COL6A3: variants seen among roughly 807,000 people sequenced by gnomAD.
COL6A3 encodes collagen alpha-3(VI) chain.
In COL6A3, 137 loss-of-function variants were observed where a neutral mutation model predicts 274.1. That is an observed-to-expected ratio of 0.50 (90% CI 0.44 to 0.58). The LOEUF (loss-of-function observed/expected upper bound fraction) is 0.58. Among genes scored for constraint, COL6A3 ranks in the 20% least tolerant of loss-of-function variants. The pLI is 0.00. For missense variants in COL6A3, 3,950 were observed against 4,124.9 expected, an observed-to-expected ratio of 0.96 and a Z score of 1.16; for synonymous variants, 1,650 against 1,650.6, an observed-to-expected ratio of 1.00 and a Z score of 0.01.
At chr2:237,401,529 C>T (rs188876801) in intron 1 of COL6A3, among the ~76,000 whole-genome samples, 1 of 152,122 alleles carries the variant, frequency 6.6e-6, no homozygotes, top group East Asian at 1.9e-4. Flanking sequence ...AACAAAGAGT[C>T]TTCCAGGACT....
At chr2:237,336,658 T>G in intron 39 of COL6A3, 126 bp from the exon 40 acceptor site, 1 of 897,982 alleles carries the variant, frequency 1.1e-6, no homozygotes, top group Non-Finnish European at 1.7e-6. Flanking sequence ...ATAGATTATG[T>G]ATAGCAGTGC....
rs778869318 is a variant in COL6A3 at position 237,366,864 on chromosome 2, C to G, written c.5323G>C (p.Ala1775Pro). 6.2e-7 allele frequency: 1 copy of G among 1,614,270 alleles called. No homozygotes were observed. Among genetic ancestry groups the G allele is most frequent in the Non-Finnish European group, 8.5e-7 (1 of 1,180,056 alleles). Residue 1775 changes from alanine (A) to proline (P), a missense_variant, in exon 11 of 44, where the codon GCT becomes CCT. Ala to Pro is a conservative substitution (Grantham distance 27). Transcript: ENST00000295550. ...GAGTCGATATTCCTCACTCCAACAGCAAACACTTTGACCCCCCTCTGGGTG... is the reference window on the plus strand; with the variant it reads ...GAGTCGATATTCCTCACTCCAACAGGAAACACTTTGACCCCCCTCTGGGTG... ...ALTQRGVKVF[A>P]VGVRNIDSEE...
At chr2:237,392,037 G>A (rs1316497612) in intron 3 of COL6A3, among the ~76,000 whole-genome samples, 1 of 152,122 alleles carries the variant, frequency 6.6e-6, no homozygotes, top group Non-Finnish European at 1.5e-5. Context: ...AATGCCAGGG[G>A]TGAGGCCTGT....
intron 2 of COL6A3, among the ~76,000 whole-genome samples, chr2:237,396,141 C>G (rs966689906): frequency 6.6e-6 from 1 of 152,206 alleles, no homozygotes. Flanking sequence ...CCACCTGAGT[C>G]CTTTCCAGCT....
chr2:237,335,173 G>A (rs753466420), intron 40 of COL6A3, among the ~76,000 whole-genome samples: 2 of 152,046 alleles, frequency 1.3e-5, no homozygotes, highest in Non-Finnish European at 2.9e-5. Context: ...TGGAAATGCA[G>A]CATACTAATC....
At chr2:237,400,570 T>A (rs2106396439) in intron 1 of COL6A3, among the ~76,000 whole-genome samples, 1 of 150,740 alleles carries the variant, frequency 6.6e-6, no homozygotes, top group South Asian at 2.1e-4. Flanking sequence ...ATAAAAAAAA[T>A]TCTGAACAGA....
intron 7 of COL6A3, 62 bp downstream of exon 7, chr2:237,376,710 C>T: frequency 6.4e-7 from 1 of 1,550,940 alleles, no homozygotes; most frequent in Non-Finnish European, 8.9e-7. Flanking sequence ...GGCCAGCAGC[C>T]TACCCTCAAC....
chr2:237,401,814 A>T lies in COL6A3; in HGVS notation c.-30-4967T>A, dbSNP rs1574770414. Reference sequence around the variant, plus strand: ...ATCCTTCCTTCTCAGCCTCCTGAGTAAATGGGACTGCAGGCACACACCACC... The same window carrying T: ...ATCCTTCCTTCTCAGCCTCCTGAGTTAATGGGACTGCAGGCACACACCACC... On this transcript the variant is annotated intron_variant, in intron 1 of 43. Coordinates refer to ENST00000295550, the MANE Select transcript of COL6A3 (RefSeq NM_004369.4). Among the ~76,000 whole-genome samples the T allele has an allele frequency of 2.0e-5, 3 of 152,018 alleles. No homozygotes were observed. The East Asian group carries it at 5.8e-4, about 29-fold the overall frequency.
Position 237,396,742 on chromosome 2 carries a change from G to A in COL6A3, c.76C>T (p.Gln26Ter), listed in dbSNP as rs763187844. The A allele has an allele frequency of 3.1e-6, 5 of 1,613,986 alleles. No homozygotes were observed. Among genetic ancestry groups the A allele is most frequent in the Non-Finnish European group, 4.2e-6 (5 of 1,180,004 alleles). The change falls in exon 2 of 44, where the codon CAG becomes TAG. Residue 26 changes from glutamine (Q) to a stop codon, truncating the protein, a stop_gained. Coordinates refer to ENST00000295550, the MANE Select transcript of COL6A3 (RefSeq NM_004369.4). LOFTEE classifies it high-confidence loss of function. ...TGGCTCTTACCTGCTTGCTGCTGCT[G>A]GGCATGAGTTGTAGGAAAGCCTGAG... ...FLSGFPTTHA[Q>*]QQQADVKNGA...
intron 26 of COL6A3, among the ~76,000 whole-genome samples, chr2:237,352,142 T>C (rs1310394657): frequency 6.6e-6 from 1 of 152,198 alleles, no homozygotes; most frequent in African/African-American, 2.4e-5. Flanking sequence ...GCACTCACTA[T>C]ACAAAATACA....
At chr2:237,325,933 T>A (rs1435787863) in intron 42 of COL6A3, 11 of 500,306 alleles carry the variant, frequency 2.2e-5, no homozygotes, top group Non-Finnish European at 3.9e-5. Context: ...GAGAGATAGA[T>A]GAAATTATAT....
chr2:237,376,727 A>G, intron 7 of COL6A3, 45 bp downstream of exon 7: 1 of 1,590,940 alleles, frequency 6.3e-7, no homozygotes, highest in Non-Finnish European at 8.6e-7. Context: ...CAACTCATGC[A>G]TTAGAGAACT....
chr2:237,373,420 C>T (rs1160176522), intron 8 of COL6A3, among the ~76,000 whole-genome samples: 1 of 152,156 alleles, frequency 6.6e-6, no homozygotes, highest in Non-Finnish European at 1.5e-5. Flanking sequence ...CCCAAATTTA[C>T]CTGATCATAA....
chr2:237,347,651 G>A, intron 31 of COL6A3, among the ~76,000 whole-genome samples, 156 bp downstream of exon 31: 1 of 152,350 alleles, frequency 6.6e-6, no homozygotes, highest in East Asian at 1.9e-4. Context: ...GGCACCCTGA[G>A]GACATTGGTC....
At position 237,413,827 on chromosome 2, in the gene COL6A3, G is replaced by T. The variant is rs961654896; in HGVS notation, c.-31+126C>A. ...GGAATCTTCCAGAGACCTAAAACATGTACAGAAAACTGGCGATCAGCATGA... is the reference window on the plus strand; with the variant it reads ...GGAATCTTCCAGAGACCTAAAACATTTACAGAAAACTGGCGATCAGCATGA... On this transcript the variant is annotated intron_variant, in intron 1 of 43. Coordinates refer to ENST00000295550, the MANE Select transcript of COL6A3 (RefSeq NM_004369.4). This position sits in a 1 kb window ranked among gnomAD's most constrained non-coding sequence, Gnocchi z 4.0. The T allele has an allele frequency of 6.6e-6, 1 of 152,166 alleles. No individual in the cohort carries two copies. Among genetic ancestry groups the T allele is most frequent in the African/African-American group, 2.4e-5 (1 of 41,438 alleles). 9.4% of individuals were successfully genotyped at this position (152,166 alleles called of 1,614,324 possible). A position where few individuals can be genotyped will look rare whatever the true frequency, so the allele number is the denominator to read the frequency against.
intron 3 of COL6A3, among the ~76,000 whole-genome samples, chr2:237,393,548 A>T (rs1396628898): frequency 1.3e-5 from 2 of 151,376 alleles, no homozygotes; most frequent in African/African-American, 4.9e-5. Context: ...CTGGAGCTCA[A>T]CTCTCCCCCT....
In COL6A3 at chr2:237,361,478, A is replaced by G. The variant is rs538578334; in HGVS notation, c.6156+261T>C. On this transcript the variant is annotated intron_variant, in intron 15 of 43. Transcript: ENST00000295550. This position sits in a 1 kb window ranked among gnomAD's most constrained non-coding sequence, Gnocchi z 5.1. ...AGCTGCCTTTAACATTATTTTATGA[A>G]ATGAAGGACCAAGCTGTTAAAGCAC... 5.9e-5 allele frequency among the ~76,000 whole-genome samples: 9 copies of G among 152,196 alleles called. No individual in the cohort carries two copies. The highest frequency in any genetic ancestry group is 1.3e-4 in the Non-Finnish European group (9 of 68,044).
intron 1 of COL6A3, among the ~76,000 whole-genome samples, chr2:237,404,053 C>T (rs765470869): frequency 9.2e-5 from 14 of 151,730 alleles, no homozygotes; most frequent in Non-Finnish European, 1.9e-4. Flanking sequence ...TATAAAAGTA[C>T]ATTTTATATG....
chr2:237,357,064 A>C (rs1157936086), intron 23 of COL6A3: 1 of 559,636 alleles, frequency 1.8e-6, no homozygotes, highest in East Asian at 3.1e-5. Context: ...AGTTGGATCA[A>C]ACCTGGCCCG....
Sources: gnomAD v4.1 joint callset for allele counts (sites outside exome capture counted in the v4.1 genomes callset) on GRCh38, gnomAD v4.1.1 for gene constraint, Gnocchi (gnomAD v3.1) non-coding constraint, MANE v1.5 for transcripts, NCBI Gene and HGNC (gene_info 2026-07-23, HGNC 2026-07-21) for gene names.